SMOC2: variants seen among roughly 807,000 people sequenced by gnomAD.
SMOC2 encodes SPARC-related modular calcium-binding protein 2.
A neutral mutation model predicts 61.4 loss-of-function variants in SMOC2; 39 were observed. That is an observed-to-expected ratio of 0.64 (90% CI 0.49 to 0.83). The LOEUF (loss-of-function observed/expected upper bound fraction) is 0.83. Ranked by LOEUF, SMOC2 falls within the 40% of genes least tolerant of loss-of-function variation. The pLI is 0.00. For missense variants in SMOC2, 556 were observed against 592.9 expected (o/e 0.94, Z 0.65); for synonymous variants, 247 against 239.9 (o/e 1.03, Z -0.27).
intron 7 of SMOC2, among the ~76,000 whole-genome samples, chr6:168,563,148 C>T (rs1784460712): frequency 6.6e-6 from 1 of 152,216 alleles, no homozygotes; most frequent in South Asian, 2.1e-4. Context: ...AGGTATTCAT[C>T]GCGATCTCTC....
At chr6:168,636,057 CATGTCTGT>C (rs1413873215) in intron 9 of SMOC2, among the ~76,000 whole-genome samples, 19 of 152,138 alleles carry the variant, frequency 1.2e-4, no homozygotes, top group African/African-American at 4.6e-4. Context: ...GGAGGAATAG[CATGTCTGT>C]TGTGTGACTG....
At chr6:168,649,683 G>A (rs149452991) in intron 9 of SMOC2, among the ~76,000 whole-genome samples, 119 of 152,288 alleles carry the variant, frequency 7.8e-4, no homozygotes, top group African/African-American at 2.7e-3. Context: ...TCTTAAACCC[G>A]CCGATCTCAT....
At chr6:168,461,693 A>G (rs1781721620) in intron 1 of SMOC2, among the ~76,000 whole-genome samples, 1 of 152,210 alleles carries the variant, frequency 6.6e-6, no homozygotes, top group African/African-American at 2.4e-5. Flanking sequence ...AAGCGTCACT[A>G]TTTGACATAA....
intron 2 of SMOC2, among the ~76,000 whole-genome samples, chr6:168,520,585 C>T (rs115332285): frequency 7.8e-4 from 119 of 152,328 alleles, no homozygotes; most frequent in African/African-American, 2.7e-3. Flanking sequence ...CATCTGTTGA[C>T]CAGAAACATA....
chr6:168,597,240 A>G (rs1785357505), intron 7 of SMOC2, among the ~76,000 whole-genome samples: 1 of 152,260 alleles, frequency 6.6e-6, no homozygotes, highest in South Asian at 2.1e-4. Flanking sequence ...ACATTTGGTA[A>G]TATAGTCAGT....
intron 7 of SMOC2, among the ~76,000 whole-genome samples, chr6:168,575,883 G>A (rs188020171): frequency 6.6e-6 from 1 of 151,084 alleles, no homozygotes; most frequent in East Asian, 1.9e-4. Context: ...CTCCACCATT[G>A]TGACTTTACT....
chr6:168,474,649 C>T (rs1461061184), intron 1 of SMOC2, among the ~76,000 whole-genome samples: 1 of 152,098 alleles, frequency 6.6e-6, no homozygotes, highest in Non-Finnish European at 1.5e-5. Context: ...TTGATAGCGC[C>T]ACAGCCAAGA....
chr6:168,587,141 T>C (rs1785064027), intron 7 of SMOC2, among the ~76,000 whole-genome samples: 1 of 152,258 alleles, frequency 6.6e-6, no homozygotes, highest in African/African-American at 2.4e-5. Context: ...GCTATTGCAA[T>C]GTCTAAAAGA....
rs1268524949 is a variant in SMOC2 at position 168,543,647 on chromosome 6, C to T, written c.486C>T (p.Pro162=). Residue 162 remains proline (P), a synonymous_variant, in exon 5 of 13, where the codon CCC becomes CCT. Coordinates refer to ENST00000356284, the MANE Select transcript of SMOC2 (RefSeq NM_001166412.2). ...TAGGTTCCGTAAATGAAAAGTTACC[C>T]CAACGCGAAGGCACAGGAAAAACAG... is the stretch of plus-strand genomic sequence containing the variant. ...RCPGSVNEKL[P]QREGTGKTDD... 3.1e-6 allele frequency: 5 copies of T among 1,613,746 alleles called. No homozygotes were observed. The highest frequency in any genetic ancestry group is 4.2e-6 in the Non-Finnish European group (5 of 1,179,770).
chr6:168,617,583 C>A (rs960899321), intron 9 of SMOC2, among the ~76,000 whole-genome samples: 4 of 152,338 alleles, frequency 2.6e-5, no homozygotes, highest in Non-Finnish European at 5.9e-5. Flanking sequence ...TGGACAAGTC[C>A]TGTCTCTGCT....
At chr6:168,514,365 G>T (rs2763232) in intron 2 of SMOC2, among the ~76,000 whole-genome samples, 1 of 151,978 alleles carries the variant, frequency 6.6e-6, no homozygotes, top group Non-Finnish European at 1.5e-5. Context: ...ACAGTGGTGC[G>T]TTGGACAACT....
At chr6:168,509,770 C>T in intron 1 of SMOC2, 145 bp from the exon 2 acceptor site, 1 of 655,144 alleles carries the variant, frequency 1.5e-6, no homozygotes, top group Admixed American at 3.2e-5. Context: ...GCACGTGGCG[C>T]TTCTGGCAGG....
chr6:168,562,552 T>C (rs1264988025), intron 7 of SMOC2, among the ~76,000 whole-genome samples: 1 of 152,232 alleles, frequency 6.6e-6, no homozygotes, highest in Non-Finnish European at 1.5e-5. Context: ...GAGGAGGTAC[T>C]GTTTTCCTCT....
chr6:168,494,821 G>A (rs758112100), intron 1 of SMOC2, among the ~76,000 whole-genome samples: 25 of 152,192 alleles, frequency 1.6e-4, no homozygotes, highest in Non-Finnish European at 3.1e-4. Flanking sequence ...GCACCACTTC[G>A]CTCCCAGCTG....
At chr6:168,534,071 A>AC (rs758109178) in intron 4 of SMOC2, among the ~76,000 whole-genome samples, 11 of 151,868 alleles carry the variant, frequency 7.2e-5, no homozygotes, top group East Asian at 3.9e-4. Flanking sequence ...CAAAAGTGAG[A>AC]CCCCCCACCA....
Position 168,568,123 on chromosome 6 carries a change from A to G in SMOC2, c.637+18920A>G, listed in dbSNP as rs1014592376. 4.1e-4 allele frequency among the ~76,000 whole-genome samples: 62 copies of G among 151,370 alleles called. 2 individuals are homozygous for G. Among genetic ancestry groups the G allele is most frequent in the Admixed American group, 4.0e-3 (61 of 15,218 alleles). On this transcript the variant is annotated intron_variant, in intron 7 of 12. Transcript: ENST00000356284. Reference sequence around the variant, plus strand: ...GCATCTTCTCTTCAGATGAGCAGCTACAGGCGAAGACCGGATGGTGTGAGT... The same window carrying G: ...GCATCTTCTCTTCAGATGAGCAGCTGCAGGCGAAGACCGGATGGTGTGAGT...
At chr6:168,502,197 G>A (rs1158612381) in intron 1 of SMOC2, among the ~76,000 whole-genome samples, 1 of 152,188 alleles carries the variant, frequency 6.6e-6, no homozygotes, top group Non-Finnish European at 1.5e-5. Context: ...AGGGCTTCTT[G>A]CAAATAACAT....
chr6:168,664,828 C>CT (rs1434497294), intron 12 of SMOC2: 1 of 470,530 alleles, frequency 2.1e-6, no homozygotes, highest in African/African-American at 2.0e-5. Context: ...GTTCATGTCT[C>CT]TCTCCTTCAA....
intron 1 of SMOC2, among the ~76,000 whole-genome samples, chr6:168,497,367 C>T (rs890135704): frequency 6.6e-6 from 1 of 152,256 alleles, no homozygotes; most frequent in Admixed American, 6.5e-5. Flanking sequence ...TCTGCACCTG[C>T]CCCCAGGCGT....
Sources: gnomAD v4.1 joint callset for allele counts (sites outside exome capture counted in the v4.1 genomes callset) on GRCh38, gnomAD v4.1.1 for gene constraint, MANE v1.5 for transcripts, NCBI Gene and HGNC (gene_info 2026-07-23, HGNC 2026-07-21) for gene names.